The following NTNG1 variants were observed in gnomAD, a reference collection of about 807,000 sequenced individuals.
NTNG1 encodes the protein netrin-G1.
Under a neutral mutation model 54.0 loss-of-function variants are expected in NTNG1, and 16 were observed. That is an observed-to-expected ratio of 0.30 (90% confidence interval 0.20 to 0.45). The LOEUF is 0.45. NTNG1 is among the 20% of genes least tolerant of loss of function. The pLI, the probability that NTNG1 is intolerant of heterozygous loss-of-function variation, is 1.00. For missense variants in NTNG1, 530 were observed against 678.7 expected (o/e 0.78, Z 2.43); for synonymous variants, 255 against 263.1 (o/e 0.97, Z 0.30).
chr1:107,303,508 T>C (rs558089964), intron 2 of NTNG1, among the ~76,000 whole-genome samples: 2 of 152,314 alleles, frequency 1.3e-5, no homozygotes, highest in South Asian at 4.1e-4. Flanking sequence ...GTTCTACACT[T>C]AGCCCTTGTT....
intron 2 of NTNG1, among the ~76,000 whole-genome samples, chr1:107,258,420 G>A (rs1230154327): frequency 6.6e-6 from 1 of 151,792 alleles, no homozygotes; most frequent in Non-Finnish European, 1.5e-5. Context: ...CTCTATAATA[G>A]ACTCCTTAAA....
rs550573225 is a variant in NTNG1 at position 107,268,381 on chromosome 1, CT to C, written c.247-55898del. ...CCAAGGGTGAGATCTCAGACTTCAC[CT>C]TTCTGGATTGATTGACACATTGGAC... On this transcript the variant is annotated intron_variant, in intron 2 of 7. Coordinates refer to ENST00000370068, the MANE Select transcript of NTNG1 (RefSeq NM_001113226.3). Among the ~76,000 whole-genome samples, 4 of 152,216 alleles carry C rather than the reference CT, an allele frequency of 2.6e-5. No individual in the cohort carries two copies. In the South Asian group the frequency reaches 8.3e-4, roughly 32 times the overall value.
intron 2 of NTNG1, among the ~76,000 whole-genome samples, chr1:107,266,521 C>G: frequency 6.6e-6 from 1 of 151,924 alleles, no homozygotes; most frequent in African/African-American, 2.4e-5. Context: ...AAATAGGTCC[C>G]CATGATCTAA....
chr1:107,410,871 G>T, intron 5 of NTNG1, among the ~76,000 whole-genome samples: 1 of 152,064 alleles, frequency 6.6e-6, no homozygotes, highest in East Asian at 1.9e-4. Context: ...AGCATAATTA[G>T]ACCAGCAAGA....
chr1:107,257,485 T>C (rs994522006), intron 2 of NTNG1, among the ~76,000 whole-genome samples: 18 of 152,242 alleles, frequency 1.2e-4, no homozygotes, highest in Admixed American at 1.1e-3. Context: ...GATTTACTTC[T>C]TTTTTCTTTA....
chr1:107,378,646 G>T (rs11590310), intron 3 of NTNG1, among the ~76,000 whole-genome samples: 15,292 of 152,214 alleles, frequency 0.1, 894 homozygotes, highest in Non-Finnish European at 0.14. Flanking sequence ...GGAGAAGAAT[G>T]TCGAGGAAGG....
intron 7 of NTNG1, among the ~76,000 whole-genome samples, chr1:107,461,748 G>T (rs1193049314): frequency 6.6e-6 from 1 of 152,000 alleles, no homozygotes. Context: ...TGGCCAGGAT[G>T]TTCTTGATCT....
intron 2 of NTNG1, among the ~76,000 whole-genome samples, chr1:107,290,957 T>C (rs1665543681): frequency 7.9e-6 from 1 of 127,206 alleles, no homozygotes; most frequent in East Asian, 2.2e-4. Flanking sequence ...AGTGCATATA[T>C]ATATATTATA....
chr1:107,405,943 A>T (rs1409934383), intron 4 of NTNG1, among the ~76,000 whole-genome samples: 1 of 152,158 alleles, frequency 6.6e-6, no homozygotes, highest in Non-Finnish European at 1.5e-5. Context: ...TCAGGTCAGG[A>T]ATTCAGCAGT....
chr1:107,352,711 C>T (rs538472436), intron 3 of NTNG1, among the ~76,000 whole-genome samples: 16 of 152,322 alleles, frequency 1.1e-4, no homozygotes, highest in Admixed American at 5.2e-4. Context: ...AGGTGTGGAT[C>T]AGCTTAAAGG....
chr1:107,233,617 G>A (rs753370879), intron 2 of NTNG1, among the ~76,000 whole-genome samples: 6 of 152,064 alleles, frequency 3.9e-5, no homozygotes, highest in African/African-American at 1.2e-4. Context: ...GTTCCCCGCC[G>A]ATCATGGTCT....
chr1:107,151,604 G>A (rs1406144618), intron 2 of NTNG1, among the ~76,000 whole-genome samples: 4 of 152,138 alleles, frequency 2.6e-5, no homozygotes, highest in African/African-American at 9.7e-5. Flanking sequence ...GCTGTTCTGA[G>A]CATCGAGGGA....
intron 5 of NTNG1, 199 bp downstream of exon 5, chr1:107,407,907 C>T (rs754320347): frequency 2.7e-6 from 2 of 736,128 alleles, no homozygotes; most frequent in Non-Finnish European, 5.0e-6. Flanking sequence ...TGCATAACTC[C>T]ATGAACATGG....
chr1:107,187,938 G>C (rs561193040), intron 2 of NTNG1, among the ~76,000 whole-genome samples: 46 of 152,218 alleles, frequency 3.0e-4, no homozygotes, highest in African/African-American at 1.1e-3. Context: ...TACAGCTTTG[G>C]CTAGGAGGAA....
intron 3 of NTNG1, among the ~76,000 whole-genome samples, chr1:107,333,559 G>T (rs17018770): frequency 2.6e-5 from 4 of 151,854 alleles, no homozygotes; most frequent in African/African-American, 9.7e-5. Context: ...ACCCATAAAC[G>T]ACTAGTATTC....
At chr1:107,227,978 C>T (rs916998411) in intron 2 of NTNG1, among the ~76,000 whole-genome samples, 17 of 152,154 alleles carry the variant, frequency 1.1e-4, no homozygotes, top group African/African-American at 3.9e-4. Context: ...AAAACATTCA[C>T]TTTAGCAGTT....
intron 3 of NTNG1, among the ~76,000 whole-genome samples, chr1:107,377,516 G>C (rs1671364020): frequency 6.6e-6 from 1 of 152,206 alleles, no homozygotes. Context: ...GTACATTTAA[G>C]TCTGTCGAAT....
At chr1:107,451,523 G>A (rs1276179028) in intron 7 of NTNG1, among the ~76,000 whole-genome samples, 1 of 152,162 alleles carries the variant, frequency 6.6e-6, no homozygotes, top group Non-Finnish European at 1.5e-5. Context: ...TGGACTCATT[G>A]TCAGGGGTCA....
At chr1:107,348,569 C>T (rs2101950491) in intron 3 of NTNG1, among the ~76,000 whole-genome samples, 1 of 152,344 alleles carries the variant, frequency 6.6e-6, no homozygotes, top group South Asian at 2.1e-4. Flanking sequence ...CCTCAGCTCT[C>T]AGACCTCCCT....
Sources: gnomAD v4.1 joint callset for allele counts (sites outside exome capture counted in the v4.1 genomes callset) on GRCh38, gnomAD v4.1.1 for gene constraint, MANE v1.5 for transcripts, NCBI Gene and HGNC (gene_info 2026-07-23, HGNC 2026-07-21) for gene names.